STK11: variants seen among roughly 807,000 people sequenced by gnomAD.
STK11 encodes serine/threonine-protein kinase STK11.
Under a neutral mutation model 47.3 loss-of-function variants are expected in STK11, and 8 were observed. The observed-to-expected ratio is 0.17, with a 90% CI of 0.10 to 0.31. STK11 has a LOEUF of 0.31. STK11 is among the 10% of genes least tolerant of loss of function. STK11 has a pLI of 1.00. For missense variants in STK11, 475 were observed against 605.0 expected (o/e 0.79, Z 2.25); for synonymous variants, 330 against 255.8 (o/e 1.29, Z -2.77).
At chr19:1,221,887 G>C in intron 6 of STK11, 62 bp from the exon 7 acceptor site, 1 of 1,539,038 alleles carries the variant, frequency 6.5e-7, no homozygotes, top group South Asian at 1.2e-5. Flanking sequence ...GGCAGGCGGG[G>C]ACGGTTGGTG....
At position 1,224,149 on chromosome 19, in the gene STK11, G is replaced by A. The variant is rs1219696102; in HGVS notation, c.1108+977G>A. The stretch of plus-strand genomic sequence containing the variant: ...AGCTCAGTAGCTGGTCCCCAGGAGA[G>A]TACAGTGTGGGGGCCCCCGAGAGCA... On this transcript the variant is annotated intron_variant, in intron 8 of 9. Transcript: ENST00000326873. 8 of 987,722 alleles carry A rather than the reference G, an allele frequency of 8.1e-6. No homozygotes were observed. The Admixed American group carries it at 3.7e-4, about 45-fold the overall frequency. 61.2% of individuals were successfully genotyped at this position (987,722 alleles called of 1,614,324 possible).
At position 1,217,557 on chromosome 19, in the gene STK11, T is replaced by A. The variant is rs192311716; in HGVS notation, c.291-860T>A. Among the ~76,000 whole-genome samples the A allele has an allele frequency of 5.7e-3, 864 of 152,164 alleles. 4 individuals carry two copies. The highest frequency in any genetic ancestry group is 0.014 in the Middle Eastern group (4 of 294). On this transcript the variant is annotated intron_variant, in intron 1 of 9. Transcript: ENST00000326873. ...GTGCCCCACCCTTGTGACAGGCAGG[T>A]GGGCGTGGCCAACTGGGCGGCAGCT...
chr19:1,208,793 T>C (rs2080688686), intron 1 of STK11, among the ~76,000 whole-genome samples: 1 of 148,780 alleles, frequency 6.7e-6, no homozygotes, highest in Non-Finnish European at 1.5e-5. Flanking sequence ...AATTTTTTTT[T>C]TTTTTTTTTA....
In STK11 at chr19:1,207,112, C is replaced by T. The variant is rs2145405461; in HGVS notation, c.199C>T (p.Leu67=). 6.2e-7 allele frequency: 1 copy of T among 1,613,878 alleles called. No homozygotes were observed. Among genetic ancestry groups the T allele is most frequent in the Non-Finnish European group, 8.5e-7 (1 of 1,179,850 alleles). Residue 67 remains leucine (L), a synonymous_variant, in exon 1 of 10, where the codon CTG becomes TTG. Transcript: ENST00000326873. ...CTCTTACGGCAAGGTGAAGGAGGTG[C>T]TGGACTCGGAGACGCTGTGCAGGAG... ...EGSYGKVKEV[L]DSETLCRRAV... is the part of the protein sequence containing the mutation.
At position 1,216,763 on chromosome 19, in the gene STK11, G is replaced by C. The variant is rs1039553846; in HGVS notation, c.291-1654G>C. 8.6e-5 allele frequency among the ~76,000 whole-genome samples: 13 copies of C among 151,604 alleles called. 1 individual carries two copies. Among genetic ancestry groups the C allele is most frequent in the Non-Finnish European group, 1.9e-4 (13 of 67,910 alleles). ...CACGTCTGTAGTCCCAGCTACTTGC[G>C]GGGCTGAGATGGGAGGATCGCTTGA... On this transcript the variant is annotated intron_variant, in intron 1 of 9. Coordinates refer to ENST00000326873, the MANE Select transcript of STK11 (RefSeq NM_000455.5).
Position 1,207,165 on chromosome 19 carries a change from G to A in STK11, c.252G>A (p.Lys84=), listed in dbSNP as rs1320808027. 1 of 1,611,524 alleles carries A rather than the reference G, an allele frequency of 6.2e-7. No homozygotes were observed. Among genetic ancestry groups the A allele is most frequent in the Admixed American group, 1.7e-5 (1 of 59,490 alleles). The part of the protein sequence containing the change: ...RRAVKILKKK[K]LRRIPNGEAN... ...CCGTCAAGATCCTCAAGAAGAAGAA[G>A]TTGCGAAGGATCCCCAACGGGGAGG... The change falls in exon 1 of 10, where the codon AAG becomes AAA. Residue 84 remains lysine (K), a synonymous_variant. Coordinates refer to ENST00000326873, the MANE Select transcript of STK11 (RefSeq NM_000455.5).
intron 8 of STK11, chr19:1,226,136 G>T (rs1344810732): frequency 1.7e-6 from 2 of 1,199,730 alleles, no homozygotes; most frequent in South Asian, 2.2e-5. Context: ...GTCCTGCCTT[G>T]TCAGCTTGCC....
intron 1 of STK11, among the ~76,000 whole-genome samples, chr19:1,210,839 G>C (rs1035808678): frequency 1.3e-5 from 2 of 151,426 alleles, no homozygotes; most frequent in African/African-American, 4.9e-5. Flanking sequence ...TCCAGCCTGG[G>C]TAACAAGAGT....
rs71335349 is a variant in STK11 at position 1,216,834 on chromosome 19, C to CAA, written c.291-1568_291-1567dup. On this transcript the variant is annotated intron_variant, in intron 1 of 9. Transcript: ENST00000326873. The stretch of plus-strand genomic sequence containing the variant: ...CCTGGGCGACAGGGAAACCCTGTCT[C>CAA]AAAAAAAAAAAAAAAAGTGCATCAC... 4.8e-4 allele frequency among the ~76,000 whole-genome samples: 55 copies of CAA among 114,338 alleles called. 2 individuals carry two copies. Among genetic ancestry groups the CAA allele is most frequent in the South Asian group, 1.1e-3 (4 of 3,790 alleles). The allele number at this position is 114,338 out of a possible 152,430, so 75.0% of individuals were successfully genotyped here.
At chr19:1,211,403 C>T (rs904647360) in intron 1 of STK11, among the ~76,000 whole-genome samples, 14 of 152,020 alleles carry the variant, frequency 9.2e-5, no homozygotes, top group Admixed American at 9.2e-4. Context: ...CCCGACTCCC[C>T]GTGCTTCTCG....
chr19:1,220,527 C>G (rs1282760457), intron 4 of STK11, 22 bp downstream of exon 4: 3 of 1,587,172 alleles, frequency 1.9e-6, no homozygotes, highest in Non-Finnish European at 2.6e-6. Context: ...CTAGGGGGGG[C>G]CCTGGGGCGC....
intron 1 of STK11, among the ~76,000 whole-genome samples, chr19:1,212,837 C>T (rs1051386280): frequency 1.3e-5 from 2 of 151,894 alleles, no homozygotes; most frequent in African/African-American, 2.4e-5. Context: ...AGTCACTGTG[C>T]CCGGCCCACC....
intron 9 of STK11, chr19:1,226,873 G>C: frequency 1.7e-6 from 1 of 602,464 alleles, no homozygotes; most frequent in Non-Finnish European, 2.7e-6. Flanking sequence ...GCTGGTCATG[G>C]AGGCCTACGT....
intron 5 of STK11, 62 bp downstream of exon 5, chr19:1,220,779 G>A (rs2080777991): frequency 1.7e-5 from 26 of 1,544,270 alleles, no homozygotes; most frequent in South Asian, 9.7e-5. Context: ...TCTGCGTCTT[G>A]GGCAGCTGCC....
In STK11 at chr19:1,219,427, G is replaced by C. The variant is rs587782421; in HGVS notation, c.464+14G>C. 1 of 1,234,600 alleles carries C rather than the reference G, an allele frequency of 8.1e-7. No individual in the cohort carries two copies. The highest frequency in any genetic ancestry group is 4.5e-5 in the East Asian group (1 of 22,072). 76.5% of individuals were successfully genotyped at this position (1,234,600 alleles called of 1,614,324 possible). A position where few individuals can be genotyped will look rare whatever the true frequency, so the allele number is the denominator to read the frequency against. On this transcript the variant is annotated intron_variant, in intron 3 of 9. Transcript: ENST00000326873. ...CCAGGCCCACGGGTGCGTGCGCGGGGCAGGGGCCAGGGTGGGGCGGGGGCC... is the reference window on the plus strand; with the variant it reads ...CCAGGCCCACGGGTGCGTGCGCGGGCCAGGGGCCAGGGTGGGGCGGGGGCC...
intron 8 of STK11, chr19:1,225,119 CAGG>C (rs1346364112): frequency 1.0e-6 from 1 of 985,596 alleles, no homozygotes; most frequent in African/African-American, 1.7e-5. Context: ...CCAGTGCAGA[CAGG>C]AGTGTGGGGT....
rs368857989 is a variant in STK11, at chr19:1,223,183, C to T, written c.1108+11C>T. 6.2e-6 allele frequency: 10 copies of T among 1,606,058 alleles called. No individual in the cohort carries two copies. The highest frequency in any genetic ancestry group is 2.7e-5 in the African/African-American group (2 of 74,854). ...ACTTCACGGTGCCCGGTGAGTCTGG[C>T]GGGGGCCCCTGCCCGGCTCTGCTGA... On this transcript the variant is annotated intron_variant, in intron 8 of 9. Transcript: ENST00000326873.
intron 7 of STK11, among the ~76,000 whole-genome samples, chr19:1,222,241 G>A (rs1277016760): frequency 2.6e-5 from 4 of 152,342 alleles, no homozygotes; most frequent in Non-Finnish European, 2.9e-5. Context: ...ACATGCGTCC[G>A]TCCCTGCCCT....
intron 6 of STK11, chr19:1,221,549 A>C: frequency 1.3e-6 from 1 of 750,854 alleles, no homozygotes; most frequent in South Asian, 2.1e-5. Flanking sequence ...CACCCTCCGA[A>C]CTCCCACCCC....
Sources: gnomAD v4.1 joint callset for allele counts (sites outside exome capture counted in the v4.1 genomes callset) on GRCh38, gnomAD v4.1.1 for gene constraint, MANE v1.5 for transcripts, NCBI Gene and HGNC (gene_info 2026-07-23, HGNC 2026-07-21) for gene names.